FGF12: variants seen among roughly 807,000 people sequenced by gnomAD.
The protein encoded by FGF12 is fibroblast growth factor 12B.
A neutral mutation model predicts 23.6 loss-of-function variants in FGF12; 14 were observed. The ratio of observed to expected loss-of-function variants is 0.59; its 90% CI spans 0.39 to 0.93. The LOEUF (loss-of-function observed/expected upper bound fraction) is 0.93. Among genes scored for constraint, FGF12 ranks in the 40% least tolerant of loss-of-function variants. FGF12 has a pLI of 0.00. For missense variants in FGF12, 175 were observed against 217.8 expected (o/e 0.80, Z 1.24); for synonymous variants, 62 against 77.3 (o/e 0.80, Z 1.04).
chr3:192,470,387 T>G (rs1339335097), intron 2 of FGF12, among the ~76,000 whole-genome samples: 1 of 152,130 alleles, frequency 6.6e-6, no homozygotes, highest in Admixed American at 6.5e-5. Flanking sequence ...TTGTTGTTGT[T>G]GTTGTTGTTG....
chr3:192,158,662 T>C (rs138556396), intron 5 of FGF12, among the ~76,000 whole-genome samples: 16 of 31,084 alleles, frequency 5.1e-4, no homozygotes, highest in South Asian at 1.9e-3. Context: ...CCTCCCTTCC[T>C]TCCCTCCCTC....
intron 4 of FGF12, among the ~76,000 whole-genome samples, chr3:192,198,462 A>C (rs1445834981): frequency 6.6e-6 from 1 of 152,226 alleles, no homozygotes; most frequent in Non-Finnish European, 1.5e-5. Flanking sequence ...TGCTCACTAA[A>C]TTTGTAAATG....
chr3:192,157,351 T>C (rs1560170695), intron 5 of FGF12, among the ~76,000 whole-genome samples: 1 of 152,220 alleles, frequency 6.6e-6, no homozygotes, highest in Non-Finnish European at 1.5e-5. Flanking sequence ...TGTGATGATA[T>C]ATGGTATTTG....
At chr3:192,165,713 C>T (rs1715127166) in intron 5 of FGF12, among the ~76,000 whole-genome samples, 1 of 152,184 alleles carries the variant, frequency 6.6e-6, no homozygotes, top group Admixed American at 6.5e-5. Flanking sequence ...AACTAGTTTA[C>T]TATTCAAATT....
intron 4 of FGF12, among the ~76,000 whole-genome samples, chr3:192,181,784 C>G (rs915745453): frequency 1.8e-4 from 27 of 151,964 alleles, no homozygotes; most frequent in Admixed American, 1.6e-3. Context: ...GCATGCACCA[C>G]CACACCCTGC....
intron 4 of FGF12, among the ~76,000 whole-genome samples, chr3:192,243,649 G>A (rs1425454735): frequency 2.6e-5 from 4 of 151,608 alleles, no homozygotes; most frequent in African/African-American, 9.7e-5. Context: ...CAACGGAATA[G>A]GAAGGTATTC....
intron 4 of FGF12, among the ~76,000 whole-genome samples, chr3:192,237,257 C>A (rs1719351665): frequency 6.6e-6 from 1 of 152,114 alleles, no homozygotes; most frequent in Non-Finnish European, 1.5e-5. Context: ...TTCTAGCTGT[C>A]TTTAAGATTT....
chr3:192,203,358 C>G (rs1252174737), intron 4 of FGF12, among the ~76,000 whole-genome samples: 1 of 152,002 alleles, frequency 6.6e-6, no homozygotes, highest in Admixed American at 6.6e-5. Flanking sequence ...GTGAAATTGA[C>G]TTGGGAGGTA....
intron 2 of FGF12, among the ~76,000 whole-genome samples, chr3:192,661,629 A>G (rs1229362900): frequency 6.6e-6 from 1 of 152,256 alleles, no homozygotes; most frequent in African/African-American, 2.4e-5. Flanking sequence ...CTGGAGATTT[A>G]TCTTTACAAG....
At chr3:192,412,305 T>A (rs1026961352) in intron 2 of FGF12, among the ~76,000 whole-genome samples, 4 of 152,184 alleles carry the variant, frequency 2.6e-5, no homozygotes, top group Non-Finnish European at 5.9e-5. Flanking sequence ...GGTGTGCTGG[T>A]GCAGAAGGTA....
At chr3:192,692,412 A>G (rs950859078) in intron 2 of FGF12, among the ~76,000 whole-genome samples, 1 of 152,154 alleles carries the variant, frequency 6.6e-6, no homozygotes, top group Non-Finnish European at 1.5e-5. Flanking sequence ...AAGATTAAAA[A>G]CCACATGATC....
intron 5 of FGF12, among the ~76,000 whole-genome samples, chr3:192,159,659 G>C (rs1454963664): frequency 6.6e-6 from 1 of 152,184 alleles, no homozygotes; most frequent in Non-Finnish European, 1.5e-5. Flanking sequence ...TTGAAAAGTA[G>C]TCATAGAACC....
At chr3:192,467,029 T>C (rs1723030712) in intron 2 of FGF12, among the ~76,000 whole-genome samples, 1 of 152,200 alleles carries the variant, frequency 6.6e-6, no homozygotes. Flanking sequence ...CAATAGATAA[T>C]GGCTCTTCTT....
At chr3:192,554,326 T>G (rs945708915) in intron 2 of FGF12, among the ~76,000 whole-genome samples, 1 of 152,206 alleles carries the variant, frequency 6.6e-6, no homozygotes, top group Non-Finnish European at 1.5e-5. Context: ...TCGGACTTAG[T>G]GCACTGATGT....
At chr3:192,191,693 G>A (rs902397758) in intron 4 of FGF12, among the ~76,000 whole-genome samples, 9 of 151,976 alleles carry the variant, frequency 5.9e-5, no homozygotes, top group Admixed American at 4.6e-4. Context: ...AAAATTAGCC[G>A]GGCATGGTGG....
intron 4 of FGF12, among the ~76,000 whole-genome samples, chr3:192,179,169 GA>G (rs989280638): frequency 6.7e-6 from 1 of 148,292 alleles, no homozygotes; most frequent in African/African-American, 2.5e-5. Context: ...GAATTTTTTT[GA>G]AAAAAAAATT....
Position 192,313,423 on chromosome 3 carries a change from C to T in FGF12, c.228+21938G>A, listed in dbSNP as rs73066556. On this transcript the variant is annotated intron_variant, in intron 4 of 5. Coordinates refer to ENST00000445105, the MANE Select transcript of FGF12 (RefSeq NM_004113.6). The stretch of plus-strand genomic sequence containing the variant: ...TTCAGTTCCCACACAACCTTTCACA[C>T]TTCCCTGAAGAGAAAACCTTTTCCC... Among the ~76,000 whole-genome samples the T allele has an allele frequency of 8.2e-3, 1,242 of 152,302 alleles. 17 individuals carry two copies. The highest frequency in any genetic ancestry group is 0.029 in the African/African-American group (1,195 of 41,564).
At chr3:192,612,750 A>G (rs1714594884) in intron 2 of FGF12, among the ~76,000 whole-genome samples, 1 of 151,972 alleles carries the variant, frequency 6.6e-6, no homozygotes, top group Non-Finnish European at 1.5e-5. Flanking sequence ...ACATGTATTA[A>G]TTTCAAAACA....
chr3:192,254,216 T>G (rs1712223786), intron 4 of FGF12, among the ~76,000 whole-genome samples: 1 of 151,832 alleles, frequency 6.6e-6, no homozygotes, highest in Non-Finnish European at 1.5e-5. Context: ...CATTCTACTC[T>G]CTGCGTCTAT....
Sources: allele counts gnomAD v4.1 joint callset (sites outside exome capture counted in the v4.1 genomes callset), GRCh38; gene constraint gnomAD v4.1.1; transcripts MANE v1.5; gene names NCBI Gene and HGNC (gene_info 2026-07-23, HGNC 2026-07-21).